The following TMEM117 variants were observed in gnomAD, a reference collection of about 807,000 sequenced individuals.
TMEM117 encodes the protein transmembrane protein 117.
Under a neutral mutation model 52.4 loss-of-function variants are expected in TMEM117, and 27 were observed. The ratio of observed to expected loss-of-function variants is 0.51; its 90% CI spans 0.38 to 0.71. The LOEUF is 0.71. Among genes scored for constraint, TMEM117 ranks in the 30% least tolerant of loss-of-function variants. TMEM117 has a pLI of 0.00. For synonymous variants in TMEM117, 215 were observed against 206.3 expected (o/e 1.04, Z -0.36); for missense variants, 556 against 630.5 (o/e 0.88, Z 1.26).
At chr12:44,258,460 G>A (rs576137950) in intron 5 of TMEM117, among the ~76,000 whole-genome samples, 8 of 151,990 alleles carry the variant, frequency 5.3e-5, no homozygotes, top group Non-Finnish European at 1.2e-4. Context: ...GACATATGGT[G>A]TGTATTCTAG....
At chr12:43,957,959 G>A (rs1172145559) in intron 3 of TMEM117, among the ~76,000 whole-genome samples, 2 of 152,142 alleles carry the variant, frequency 1.3e-5, no homozygotes, top group Non-Finnish European at 2.9e-5. Flanking sequence ...CATGTTTTCA[G>A]CACTGATTGT....
At chr12:43,800,998 C>T in the TMEM117 span, among the ~76,000 whole-genome samples, 2 of 152,140 alleles carry the variant, frequency 1.3e-5, no homozygotes, top group Non-Finnish European at 2.9e-5. Flanking sequence ...GTGATCCACT[C>T]GCCTCGGCTT....
chr12:44,118,449 G>A (rs74334649), intron 3 of TMEM117, among the ~76,000 whole-genome samples: 4,272 of 152,252 alleles, frequency 0.028, 72 homozygotes, highest in Non-Finnish European at 0.042. Context: ...AGAAGCAAGG[G>A]TCAACTGCTG....
At chr12:44,396,259 T>C in the TMEM117 span, among the ~76,000 whole-genome samples, 2 of 152,182 alleles carry the variant, frequency 1.3e-5, no homozygotes, top group East Asian at 3.9e-4. Context: ...TTTTCCACCA[T>C]AACCAGCAAG....
intron 3 of TMEM117, among the ~76,000 whole-genome samples, chr12:44,070,735 T>G (rs984620534): frequency 1.4e-4 from 22 of 152,218 alleles, no homozygotes; most frequent in African/African-American, 5.1e-4. Flanking sequence ...TATTATATCC[T>G]GGGACCTAAC....
At chr12:44,314,142 A>G (rs866356156) in intron 6 of TMEM117, among the ~76,000 whole-genome samples, 68 of 152,140 alleles carry the variant, frequency 4.5e-4, no homozygotes, top group South Asian at 2.1e-4. Context: ...ACTATGTTGA[A>G]TAGGGTTGGT....
intron 2 of TMEM117, among the ~76,000 whole-genome samples, chr12:43,910,090 C>T (rs1944469402): frequency 9.1e-6 from 1 of 110,448 alleles, no homozygotes; most frequent in African/African-American, 3.0e-5. Flanking sequence ...ATGCAAAAAT[C>T]CTCAATAAAA....
intron 6 of TMEM117, among the ~76,000 whole-genome samples, chr12:44,362,805 G>A (rs766659306): frequency 3.3e-5 from 5 of 151,158 alleles, no homozygotes; most frequent in African/African-American, 4.9e-5. Flanking sequence ...CAATTTGGCA[G>A]CTTCTTTTTC....
At chr12:44,101,787 TC>T (rs747442577) in intron 3 of TMEM117, among the ~76,000 whole-genome samples, 98 of 152,170 alleles carry the variant, frequency 6.4e-4, no homozygotes, top group Non-Finnish European at 1.1e-3. Flanking sequence ...GCACTTGTGT[TC>T]CTGAGCATGT....
chr12:44,268,162 G>A (rs1006546290), intron 5 of TMEM117, among the ~76,000 whole-genome samples: 12 of 150,624 alleles, frequency 8.0e-5, no homozygotes, highest in Admixed American at 1.3e-4. Context: ...TTTTGAGACA[G>A]AGTCTTGCTC....
chr12:43,915,833 G>A (rs1683418537), intron 2 of TMEM117, among the ~76,000 whole-genome samples: 1 of 152,108 alleles, frequency 6.6e-6, no homozygotes, highest in African/African-American at 2.4e-5. Flanking sequence ...CAAGGGTAAG[G>A]GAACACTTTT....
At chr12:43,940,835 C>T (rs1486440035) in intron 2 of TMEM117, among the ~76,000 whole-genome samples, 1 of 152,202 alleles carries the variant, frequency 6.6e-6, no homozygotes, top group African/African-American at 2.4e-5. Flanking sequence ...TGAGCCACTG[C>T]ACCTGGCCCA....
intron 5 of TMEM117, chr12:44,249,099 A>G (rs1950166755): frequency 6.6e-6 from 1 of 152,266 alleles, no homozygotes; most frequent in African/African-American, 2.4e-5. Flanking sequence ...CTCATGGCAG[A>G]AGGTGAAGCG....
At chr12:44,091,363 G>A (rs1947668705) in intron 3 of TMEM117, among the ~76,000 whole-genome samples, 1 of 152,078 alleles carries the variant, frequency 6.6e-6, no homozygotes, top group Non-Finnish European at 1.5e-5. Context: ...TTTCTTGTTG[G>A]CAGAATGATT....
At chr12:44,357,699 G>A (rs1951669950) in intron 6 of TMEM117, among the ~76,000 whole-genome samples, 1 of 152,130 alleles carries the variant, frequency 6.6e-6, no homozygotes, top group African/African-American at 2.4e-5. Context: ...AGAGGAAAGA[G>A]AATGCTTATA....
At chr12:44,342,738 G>A (rs1013009691) in intron 6 of TMEM117, among the ~76,000 whole-genome samples, 3 of 151,986 alleles carry the variant, frequency 2.0e-5, no homozygotes, top group African/African-American at 7.2e-5. Flanking sequence ...AGACAAAAAG[G>A]CATATTTTTC....
intron 3 of TMEM117, among the ~76,000 whole-genome samples, chr12:44,092,845 T>C (rs1341139587): frequency 6.6e-6 from 1 of 152,204 alleles, no homozygotes; most frequent in African/African-American, 2.4e-5. Context: ...ACACAGAGCA[T>C]ATATTATGAC....
intron 3 of TMEM117, among the ~76,000 whole-genome samples, chr12:44,023,243 G>A (rs938927833): frequency 6.6e-5 from 10 of 152,148 alleles, no homozygotes; most frequent in Admixed American, 5.2e-4. Flanking sequence ...ATTTGGGTTG[G>A]TTCCAAGTCT....
At chr12:43,882,234 C>T (rs932942829) in intron 2 of TMEM117, among the ~76,000 whole-genome samples, 8 of 151,954 alleles carry the variant, frequency 5.3e-5, no homozygotes, top group African/African-American at 1.7e-4. Flanking sequence ...CCAAGGCGGG[C>T]GGATCACCTG....
Sources: gnomAD v4.1 joint callset for allele counts (sites outside exome capture counted in the v4.1 genomes callset) on GRCh38, gnomAD v4.1.1 for gene constraint, MANE v1.5 for transcripts, NCBI Gene and HGNC (gene_info 2026-07-23, HGNC 2026-07-21) for gene names.